The following ATRNL1 variants were observed in gnomAD, a reference collection of about 807,000 sequenced individuals.
ATRNL1 encodes attractin like 1.
ATRNL1 carries 95 observed loss-of-function variants against 182.7 expected under a neutral mutation model. That is an observed-to-expected ratio of 0.52 (90% CI 0.44 to 0.62). The LOEUF is 0.62. Among genes scored for constraint, ATRNL1 ranks in the 20% least tolerant of loss-of-function variants. The pLI, the probability that ATRNL1 is intolerant of heterozygous loss-of-function variation, is 0.00. For missense variants in ATRNL1, 1,471 were observed against 1,679.5 expected (o/e 0.88, Z 2.17); for synonymous variants, 576 against 568.3 (o/e 1.01, Z -0.19).
At chr10:115,339,391 A>G (rs1270561081) in intron 19 of ATRNL1, among the ~76,000 whole-genome samples, 2 of 151,936 alleles carry the variant, frequency 1.3e-5, no homozygotes, top group African/African-American at 2.4e-5. Context: ...AATTTCTTTA[A>G]TTAGTGTTTT....
chr10:115,455,455 C>T (rs1314489252), intron 21 of ATRNL1, among the ~76,000 whole-genome samples: 1 of 152,054 alleles, frequency 6.6e-6, no homozygotes, highest in Non-Finnish European at 1.5e-5. Flanking sequence ...GAAACTGGAC[C>T]CCTTCCTTAC....
intron 28 of ATRNL1, among the ~76,000 whole-genome samples, chr10:115,903,476 T>C (rs1952413577): frequency 6.6e-6 from 1 of 152,214 alleles, no homozygotes; most frequent in South Asian, 2.1e-4. Flanking sequence ...GGAAAATGCT[T>C]CTAAGATACT....
At chr10:115,916,541 C>T (rs1192535882) in intron 28 of ATRNL1, among the ~76,000 whole-genome samples, 1 of 152,214 alleles carries the variant, frequency 6.6e-6, no homozygotes, top group Admixed American at 6.5e-5. Flanking sequence ...CTCTCCCTCG[C>T]CTCATGGACT....
At chr10:115,648,132 G>A (rs1859751342) in intron 26 of ATRNL1, among the ~76,000 whole-genome samples, 1 of 152,144 alleles carries the variant, frequency 6.6e-6, no homozygotes, top group Admixed American at 6.6e-5. Flanking sequence ...AAATCAATGT[G>A]CAAAAATCAC....
At chr10:115,744,517 T>G (rs1336940537) in intron 27 of ATRNL1, among the ~76,000 whole-genome samples, 1 of 152,152 alleles carries the variant, frequency 6.6e-6, no homozygotes, top group Non-Finnish European at 1.5e-5. Context: ...AACATGCAAA[T>G]GATGATAAAC....
chr10:115,208,050 GTTTATATTTCTTT>G (rs1848870075), intron 8 of ATRNL1, among the ~76,000 whole-genome samples: 1 of 151,928 alleles, frequency 6.6e-6, no homozygotes, highest in Non-Finnish European at 1.5e-5. Context: ...ATTTTGGACA[GTTTATATTTCTTT>G]ATAAGTTCAC....
intron 26 of ATRNL1, among the ~76,000 whole-genome samples, chr10:115,625,427 T>A (rs1446023121): frequency 6.6e-6 from 1 of 152,200 alleles, no homozygotes; most frequent in African/African-American, 2.4e-5. Flanking sequence ...TGCTATTAAT[T>A]TCTTGGCATA....
intron 19 of ATRNL1, among the ~76,000 whole-genome samples, chr10:115,361,050 C>G (rs1443663336): frequency 6.6e-6 from 1 of 151,920 alleles, no homozygotes; most frequent in East Asian, 1.9e-4. Flanking sequence ...CAGACTTCAT[C>G]ACTGTAAAGG....
At chr10:115,283,423 C>T (rs1379724606) in intron 14 of ATRNL1, among the ~76,000 whole-genome samples, 6 of 152,072 alleles carry the variant, frequency 3.9e-5, no homozygotes, top group Non-Finnish European at 5.9e-5. Flanking sequence ...CAAAAACAAA[C>T]GAACAAACAA....
intron 26 of ATRNL1, among the ~76,000 whole-genome samples, chr10:115,662,280 C>T (rs1195358280): frequency 6.6e-6 from 1 of 151,972 alleles, no homozygotes; most frequent in Non-Finnish European, 1.5e-5. Flanking sequence ...CACACCAGTT[C>T]GAATGGTGAT....
intron 25 of ATRNL1, among the ~76,000 whole-genome samples, chr10:115,533,017 A>G (rs2133753884): frequency 6.6e-6 from 1 of 152,072 alleles, no homozygotes; most frequent in East Asian, 1.9e-4. Flanking sequence ...TCGGTTTGCC[A>G]GTATTTTATT....
At chr10:115,859,229 A>T (rs960627388) in intron 28 of ATRNL1, among the ~76,000 whole-genome samples, 3 of 151,942 alleles carry the variant, frequency 2.0e-5, no homozygotes, top group Non-Finnish European at 2.9e-5. Flanking sequence ...GGGCACAAAC[A>T]TTCAGGCCAT....
At chr10:115,617,175 G>T (rs1857475667) in intron 26 of ATRNL1, among the ~76,000 whole-genome samples, 1 of 152,218 alleles carries the variant, frequency 6.6e-6, no homozygotes, top group Non-Finnish European at 1.5e-5. Flanking sequence ...TGCTCTAGAT[G>T]TGAAACATGC....
intron 19 of ATRNL1, among the ~76,000 whole-genome samples, chr10:115,367,192 A>T (rs1335059427): frequency 2.2e-5 from 2 of 89,402 alleles, no homozygotes; most frequent in Admixed American, 9.9e-5. Context: ...ACATAGTCCC[A>T]TATTTCTTGG....
rs554187369 is a variant in ATRNL1 at position 115,812,865 on chromosome 10, T to A, written c.3904-35012T>A. Among the ~76,000 whole-genome samples the A allele has an allele frequency of 2.6e-5, 4 of 152,122 alleles. No homozygotes were observed. The East Asian group carries it at 7.7e-4, about 29-fold the overall frequency. On this transcript the variant is annotated intron_variant, in intron 27 of 28. Transcript: ENST00000355044. ...GTATTCCTCTAAGAAGCTTTTCTTA[T>A]ATTTCAAGTCTAGAGTAGGTGCCTT... is the stretch of plus-strand genomic sequence containing the variant.
intron 27 of ATRNL1, among the ~76,000 whole-genome samples, chr10:115,800,209 A>G (rs1949760521): frequency 6.6e-6 from 1 of 151,408 alleles, no homozygotes; most frequent in Admixed American, 6.6e-5. Context: ...AACAAGAGCA[A>G]AACTCCATCT....
chr10:115,635,155 A>G (rs1414320621), intron 26 of ATRNL1, among the ~76,000 whole-genome samples: 1 of 152,148 alleles, frequency 6.6e-6, no homozygotes, highest in Non-Finnish European at 1.5e-5. Context: ...ACCATATTAA[A>G]GTAAGAACTT....
At chr10:115,580,234 C>A (rs1854984516) in intron 26 of ATRNL1, among the ~76,000 whole-genome samples, 1 of 152,052 alleles carries the variant, frequency 6.6e-6, no homozygotes, top group African/African-American at 2.4e-5. Flanking sequence ...TGCTGTTTGG[C>A]ATCCTGCTGT....
At chr10:115,655,861 C>T (rs1163157278) in intron 26 of ATRNL1, among the ~76,000 whole-genome samples, 1 of 152,124 alleles carries the variant, frequency 6.6e-6, no homozygotes, top group Non-Finnish European at 1.5e-5. Flanking sequence ...AAGATCTTTG[C>T]CCTGTAATTT....
Sources: gnomAD v4.1 joint callset for allele counts (sites outside exome capture counted in the v4.1 genomes callset) on GRCh38, gnomAD v4.1.1 for gene constraint, MANE v1.5 for transcripts, NCBI Gene and HGNC (gene_info 2026-07-23, HGNC 2026-07-21) for gene names.